The following FLT1 variants were observed in gnomAD, a reference collection of about 807,000 sequenced individuals.
The protein encoded by FLT1 is vascular endothelial growth factor receptor 1.
FLT1 carries 49 observed loss-of-function variants against 156.3 expected under a neutral mutation model. That is an observed-to-expected ratio of 0.31 (90% CI 0.25 to 0.40). The LOEUF is 0.40. Among genes scored for constraint, FLT1 ranks in the 10% least tolerant of loss-of-function variants. The probability of loss-of-function intolerance (pLI) is 1.00; values close to 1 mark genes in which losing one functional copy is unlikely to be tolerated. For synonymous variants in FLT1, 594 were observed against 583.8 expected (o/e 1.02, Z -0.25); for missense variants, 1,322 against 1,637.2 (o/e 0.81, Z 3.32).
At chr13:28,370,587 A>C (rs535801651) in intron 14 of FLT1, among the ~76,000 whole-genome samples, 59 of 152,358 alleles carry the variant, frequency 3.9e-4, no homozygotes, top group African/African-American at 1.4e-3. Flanking sequence ...AAATGAAAGC[A>C]TCTTTGTGCG....
chr13:28,424,790 TG>T (rs985275505), intron 10 of FLT1, among the ~76,000 whole-genome samples: 45 of 152,348 alleles, frequency 3.0e-4, no homozygotes, highest in African/African-American at 8.9e-4. Flanking sequence ...TTGATGATCA[TG>T]TATAGACACC....
chr13:28,368,605 T>A lies in FLT1; in HGVS notation c.2117-10920A>T, dbSNP rs751282293. 8 of 1,444,418 alleles carry A rather than the reference T, an allele frequency of 5.5e-6. No individual in the cohort carries two copies. The South Asian group carries it at 9.8e-5, about 18-fold the overall frequency. 89.5% of individuals were successfully genotyped at this position (1,444,418 alleles called of 1,614,324 possible). ...ATGATGATGATGATGATGACGATGA[T>A]GATGATGATGACAATGGTGATGATG... On this transcript the variant is annotated intron_variant, in intron 14 of 29. Transcript: ENST00000282397.
At chr13:28,307,965 G>A (rs2138808814) in intron 28 of FLT1, among the ~76,000 whole-genome samples, 1 of 152,238 alleles carries the variant, frequency 6.6e-6, no homozygotes, top group Admixed American at 6.5e-5. Flanking sequence ...GTAGAGACTG[G>A]GTTTCACCAT....
Position 28,467,056 on chromosome 13 carries a change from A to G in FLT1, c.235T>C (p.Ser79Pro), listed in dbSNP as rs1176165998. 6.2e-7 allele frequency: 1 copy of G among 1,614,192 alleles called. No homozygotes were observed. The highest frequency in any genetic ancestry group is 1.7e-5 in the Admixed American group (1 of 60,020). The change falls in exon 3 of 30, where the codon TCT becomes CCT. Residue 79 changes from serine (S) to proline (P), a missense_variant. By Grantham distance (74) the Ser-to-Pro change is moderately conservative (BLOSUM62 -1). Around this residue, in one of 3 missense-constraint regions of FLT1, gnomAD observed 991 missense variants for 1,254.8 expected, o/e 0.79. Transcript: ENST00000282397. ...TGTTTGCCATTTCTTCCACAGGCAGATTTAGTTATGCTCAGCCTTTCGCTT... is the reference window on the plus strand; with the variant it reads ...TGTTTGCCATTTCTTCCACAGGCAGGTTTAGTTATGCTCAGCCTTTCGCTT... Reference protein sequence around the residue: ...KESERLSITKSACGRNGKQFC... With the variant: ...KESERLSITKPACGRNGKQFC...
chr13:28,338,808 T>C (rs1344669852), intron 17 of FLT1, among the ~76,000 whole-genome samples: 1 of 152,140 alleles, frequency 6.6e-6, no homozygotes, highest in Non-Finnish European at 1.5e-5. Context: ...CGTGTACTTG[T>C]AATGCCTCTC....
chr13:28,404,283 T>C (rs925869431), intron 11 of FLT1, among the ~76,000 whole-genome samples: 11 of 152,208 alleles, frequency 7.2e-5, no homozygotes, highest in Non-Finnish European at 2.9e-5. Flanking sequence ...ATATAAGCTA[T>C]TGCCACTCTG....
intron 20 of FLT1, among the ~76,000 whole-genome samples, chr13:28,326,286 T>G (rs755787062): frequency 6.6e-6 from 1 of 152,152 alleles, no homozygotes; most frequent in Non-Finnish European, 1.5e-5. Context: ...ATTCCCAGAT[T>G]TCATGAGAAG....
At chr13:28,477,532 C>T (rs998242169) in intron 1 of FLT1, among the ~76,000 whole-genome samples, 2 of 152,152 alleles carry the variant, frequency 1.3e-5, no homozygotes, top group African/African-American at 4.8e-5. Flanking sequence ...TGACAGGGCA[C>T]GAGACATAAC....
At chr13:28,306,140 C>T (rs112885858) in intron 29 of FLT1, among the ~76,000 whole-genome samples, 4,793 of 152,256 alleles carry the variant, frequency 0.031, 107 homozygotes, top group Middle Eastern at 0.044. Context: ...CCAGTGGTGG[C>T]CACGGCGTGG....
Position 28,301,392 on chromosome 13 carries a change from T to C in FLT1, c.*1775A>G, listed in dbSNP as rs1593661272. On this transcript the variant is annotated 3_prime_UTR_variant, in exon 30 of 30. Transcript: ENST00000282397. ...TGTCCCACTCCTCTCTTCTGGCTAG[T>C]GAGTCTTCCACAAAAGCCGCTGCCA... 2 of 232,996 alleles carry C rather than the reference T, an allele frequency of 8.6e-6. No homozygotes were observed. The highest frequency in any genetic ancestry group is 1.8e-4 in the South Asian group (1 of 5,530). 14.4% of individuals were successfully genotyped at this position (232,996 alleles called of 1,614,324 possible).
chr13:28,301,461 T>C lies in FLT1; in HGVS notation c.*1706A>G, dbSNP rs1426046048. On this transcript the variant is annotated 3_prime_UTR_variant, in exon 30 of 30. Transcript: ENST00000282397. ...AGGGAATGTGCTGATGACGGTCCCA[T>C]CTCTTCATACAGAGAGCCTTTAAAC... 1 of 233,012 alleles carries C rather than the reference T, an allele frequency of 4.3e-6. No homozygotes were observed. Among genetic ancestry groups the C allele is most frequent in the Non-Finnish European group, 8.5e-6 (1 of 117,958 alleles). The allele number at this position is 233,012 out of a possible 1,614,324, so 14.4% of individuals were successfully genotyped here.
chr13:28,410,400 CTTCAT>C (rs1198991646), intron 10 of FLT1, among the ~76,000 whole-genome samples: 1 of 152,216 alleles, frequency 6.6e-6, no homozygotes, highest in Non-Finnish European at 1.5e-5. Flanking sequence ...TGGTTCAACA[CTTCAT>C]TTAGCCTTTC....
intron 3 of FLT1, among the ~76,000 whole-genome samples, chr13:28,438,891 A>G (rs1249289882): frequency 6.6e-6 from 1 of 152,222 alleles, no homozygotes; most frequent in East Asian, 1.9e-4. Context: ...AATAATAATG[A>G]ATGAGAAGGT....
chr13:28,385,973 G>A (rs1874336957), intron 13 of FLT1: 1 of 1,050,758 alleles, frequency 9.5e-7, no homozygotes. Context: ...AACTCCTAAT[G>A]TCTTTCCCAC....
chr13:28,427,104 A>G, intron 10 of FLT1, 55 bp downstream of exon 10: 1 of 1,501,518 alleles, frequency 6.7e-7, no homozygotes. Flanking sequence ...AAAAAATCTT[A>G]ATTCCAGGTG....
chr13:28,447,194 T>C (rs1878666234), intron 3 of FLT1, among the ~76,000 whole-genome samples: 1 of 145,944 alleles, frequency 6.9e-6, no homozygotes, highest in Admixed American at 7.1e-5. Flanking sequence ...ATATTTTATA[T>C]ATATTTGCAA....
At chr13:28,326,520 C>CTTTT (rs58719749) in intron 20 of FLT1, among the ~76,000 whole-genome samples, 25 of 80,030 alleles carry the variant, frequency 3.1e-4, no homozygotes, top group African/African-American at 8.6e-4. Context: ...CTCTCTCTCT[C>CTTTT]TTTTTTTTTT....
intron 14 of FLT1, among the ~76,000 whole-genome samples, chr13:28,362,447 C>T (rs757482283): frequency 6.6e-6 from 1 of 152,194 alleles, no homozygotes; most frequent in Non-Finnish European, 1.5e-5. Context: ...ATCTTGCTAC[C>T]TACAATCATT....
chr13:28,349,128 T>C (rs1593699879), intron 15 of FLT1, among the ~76,000 whole-genome samples: 1 of 152,338 alleles, frequency 6.6e-6, no homozygotes, highest in Non-Finnish European at 1.5e-5. Flanking sequence ...CGTAGGGCTA[T>C]GGTCCTCTTC....
Sources: allele counts gnomAD v4.1 joint callset (sites outside exome capture counted in the v4.1 genomes callset), GRCh38; gene constraint gnomAD v4.1.1; regional missense constraint gnomAD v4.1.1; transcripts MANE v1.5; gene names NCBI Gene and HGNC (gene_info 2026-07-23, HGNC 2026-07-21).